The following SYT4 variants were observed in gnomAD, a reference collection of about 807,000 sequenced individuals.
The protein encoded by SYT4 is synaptotagmin-4.
Under a neutral mutation model 32.9 loss-of-function variants are expected in SYT4, and 7 were observed. The ratio of observed to expected loss-of-function variants is 0.21; its 90% CI spans 0.12 to 0.40. SYT4 has a LOEUF of 0.40. SYT4 is among the 10% of genes least tolerant of loss of function. The pLI is 1.00. For synonymous variants in SYT4, 205 were observed against 186.2 expected (o/e 1.10, Z -0.82); for missense variants, 480 against 488.0 (o/e 0.98, Z 0.16).
At chr18:43,275,737 G>A (rs920361262) in intron 1 of SYT4, among the ~76,000 whole-genome samples, 9 of 152,116 alleles carry the variant, frequency 5.9e-5, no homozygotes, top group Non-Finnish European at 1.3e-4. Context: ...GTATTTTAAT[G>A]TACAGAAACT....
rs200766031 is a variant in SYT4 at position 43,270,515 on chromosome 18, T to A, written c.1104A>T (p.Glu368Asp). Residue 368 changes from glutamate to aspartate, a missense_variant, in exon 4 of 4, where the codon GAA becomes GAT. Physicochemically the swap from Glu to Asp is conservative, Grantham distance 45. Coordinates refer to ENST00000255224, the MANE Select transcript of SYT4 (RefSeq NM_020783.4). ...AAACCAAAAATTCAACACTTATATC[T>A]TCAAGGCCCTCACAAGGAATATCAA... is the stretch of plus-strand genomic sequence containing the variant. ...FVFDIPCEGL[E>D]DISVEFLVLD... The A allele has an allele frequency of 1.2e-6, 2 of 1,614,104 alleles. No individual in the cohort carries two copies. Among genetic ancestry groups the A allele is most frequent in the Non-Finnish European group, 1.7e-6 (2 of 1,179,988 alleles).
In SYT4 at chr18:43,270,339, T is replaced by A. The variant is rs1193564864; in HGVS notation, c.*2A>T. The A allele has an allele frequency of 1.9e-6, 3 of 1,612,718 alleles. No homozygotes were observed. Among genetic ancestry groups the A allele is most frequent in the Non-Finnish European group, 2.5e-6 (3 of 1,178,932 alleles). ...TTTAAGTTCCAACTCACGGCTAGGA[T>A]GCTAACCATCACAGAGCACGTGCCA... On this transcript the variant is annotated 3_prime_UTR_variant, in exon 4 of 4. Transcript: ENST00000255224.
At position 43,271,387 on chromosome 18, in the gene SYT4, C is replaced by T. The variant is rs186469724; in HGVS notation, c.970+325G>A. Among the ~76,000 whole-genome samples, 6 of 152,076 alleles carry T rather than the reference C, an allele frequency of 3.9e-5. No homozygotes were observed. The East Asian group carries it at 9.7e-4, about 24-fold the overall frequency. ...GTATGTATTTCTAGTTCTCACAAGG[C>T]CCCTCAGGATGAGTAGCATTATGTC... is the stretch of plus-strand genomic sequence containing the variant. On this transcript the variant is annotated intron_variant, in intron 3 of 3. Transcript: ENST00000255224.
intron 2 of SYT4, 118 bp downstream of exon 2, chr18:43,273,462 A>G: frequency 1.5e-6 from 1 of 649,372 alleles, no homozygotes; most frequent in Non-Finnish European, 2.6e-6. Flanking sequence ...AATTAATAAT[A>G]ATTAAACATG....
At position 43,269,423 on chromosome 18, in the gene SYT4, G is replaced by T. The variant is rs1051076783; in HGVS notation, c.*918C>A. 1 of 152,236 alleles carries T rather than the reference G, an allele frequency of 6.6e-6. No individual in the cohort carries two copies. Among genetic ancestry groups the T allele is most frequent in the Non-Finnish European group, 1.5e-5 (1 of 68,030 alleles). The allele number at this position is 152,236 out of a possible 1,614,324, so 9.4% of individuals were successfully genotyped here. On this transcript the variant is annotated 3_prime_UTR_variant, in exon 4 of 4. Coordinates refer to ENST00000255224, the MANE Select transcript of SYT4 (RefSeq NM_020783.4). ...AGACTTAGGTGGCCATGCCGACTCT[G>T]GGTACAAACGATGGCCTTAAAAGTA...
chr18:43,270,777 C>G, intron 3 of SYT4, 129 bp from the exon 4 acceptor site: 1 of 922,008 alleles, frequency 1.1e-6, no homozygotes, highest in South Asian at 2.2e-5. Flanking sequence ...GTCAAAACAA[C>G]AGAAAAATAT....
chr18:43,271,614 T>A (rs1021961391), intron 3 of SYT4, 98 bp downstream of exon 3: 1 of 1,484,586 alleles, frequency 6.7e-7, no homozygotes, highest in African/African-American at 1.4e-5. Flanking sequence ...ACATAAGGTA[T>A]TAGAGAAAAG....
Position 43,274,121 on chromosome 18 carries a change from C to A in SYT4, c.308G>T (p.Gly103Val). ...HLDLEKRDLN[G>V]NFPKTNLKPG... ...TTTGAGGTTGGTTTTGGGAAAATTG[C>A]CATTGAGATCTCTCTTTTCAAGATC... The change falls in exon 2 of 4, where the codon GGC becomes GTC. Residue 103 changes from glycine (G) to valine (V), a missense_variant. Gly to Val is a moderately radical substitution (Grantham distance 109). Transcript: ENST00000255224. 1 of 1,614,038 alleles carries A rather than the reference C, an allele frequency of 6.2e-7. No individual in the cohort carries two copies. The highest frequency in any genetic ancestry group is 8.5e-7 in the Non-Finnish European group (1 of 1,179,938).
intron 1 of SYT4, among the ~76,000 whole-genome samples, chr18:43,274,870 T>C (rs1410181932): frequency 6.6e-6 from 1 of 152,160 alleles, no homozygotes; most frequent in Non-Finnish European, 1.5e-5. Context: ...GTTCACTCAA[T>C]TGTAGGAAAT....
In SYT4 at chr18:43,270,370, C is replaced by A; in HGVS notation, c.1249G>T (p.Ala417Ser). The A allele has an allele frequency of 6.2e-7, 1 of 1,614,056 alleles. No homozygotes were observed. Among genetic ancestry groups the A allele is most frequent in the East Asian group, 2.2e-5 (1 of 44,876 alleles). ...CCATCACAGAGCACGTGCCACTTGG[C>A]AATTTGTCTCCTGGGGTAGTCACAG... ...EICDYPRRQI[A>S]KWHVLCDG Residue 417 changes from alanine (A) to serine (S), a missense_variant, in exon 4 of 4, where the codon GCC becomes TCC. Transcript: ENST00000255224.
Position 43,270,286 on chromosome 18 carries a change from G to A in SYT4, c.*55C>T, listed in dbSNP as rs947786134. 6.4e-7 allele frequency: 1 copy of A among 1,559,008 alleles called. No individual in the cohort carries two copies. The highest frequency in any genetic ancestry group is 8.7e-7 in the Non-Finnish European group (1 of 1,151,940). ...GCTTGCAATCCAATATAGAAAGAAA[G>A]AAAATTTCTCCTTGCCTAGTAAAAA... On this transcript the variant is annotated 3_prime_UTR_variant, in exon 4 of 4. Transcript: ENST00000255224.
rs1405653584 is a variant in SYT4 at position 43,268,266 on chromosome 18, TTTCTC to T, written c.*2070_*2074del. On this transcript the variant is annotated 3_prime_UTR_variant, in exon 4 of 4. Transcript: ENST00000255224. ...CTGTTTCAATTCCTTTGTTGTTTCT[TTTCTC>T]TTTTCTGAAAACCAGTTGCAAATAG... 6.6e-6 allele frequency: 1 copy of T among 152,664 alleles called. No homozygotes were observed. The highest frequency in any genetic ancestry group is 2.1e-4 in the South Asian group (1 of 4,834). 9.5% of individuals were successfully genotyped at this position (152,664 alleles called of 1,614,324 possible).
Position 43,277,276 on chromosome 18 carries a change from A to G in SYT4, c.6T>C (p.Ala2=). The G allele has an allele frequency of 6.2e-7, 1 of 1,614,014 alleles. No individual in the cohort carries two copies. The highest frequency in any genetic ancestry group is 8.5e-7 in the Non-Finnish European group (1 of 1,179,950). Residue 2 remains alanine (A), a synonymous_variant, in exon 1 of 4, where the codon GCT becomes GCC. Transcript: ENST00000255224. The stretch of plus-strand genomic sequence containing the variant: ...ATTCTTCCCGGCTGGTGGTGATCGG[A>G]GCCATTTTTTACTGCGTGTTCTGTC... The part of the protein sequence containing the change: M[A]PITTSREEFD...
chr18:43,275,219 G>C (rs1473450630), intron 1 of SYT4, among the ~76,000 whole-genome samples: 2 of 152,078 alleles, frequency 1.3e-5, no homozygotes, highest in Non-Finnish European at 2.9e-5. Context: ...TCTTCCTCTA[G>C]CACATGGCAT....
At position 43,273,771 on chromosome 18, in the gene SYT4, C is replaced by T. The variant is rs761405529; in HGVS notation, c.658G>A (p.Asp220Asn). Residue 220 changes from aspartate (D) to asparagine (N), a missense_variant, in exon 2 of 4, where the codon GAT becomes AAT. Transcript: ENST00000255224. ...ATCCCATAGAATGTAAAGGTCTCAT[C>T]AAAAGCTGGATCCAAGGTTTTTCTC... is the stretch of plus-strand genomic sequence containing the variant. Reference protein sequence around the residue: ...VLRKTLDPAFDETFTFYGIPY... With the variant: ...VLRKTLDPAFNETFTFYGIPY... 4 of 1,613,904 alleles carry T rather than the reference C, an allele frequency of 2.5e-6. No homozygotes were observed. The highest frequency in any genetic ancestry group is 1.3e-5 in the African/African-American group (1 of 74,908).
Position 43,269,989 on chromosome 18 carries a change from C to T in SYT4, c.*352G>A. On this transcript the variant is annotated 3_prime_UTR_variant, in exon 4 of 4. Coordinates refer to ENST00000255224, the MANE Select transcript of SYT4 (RefSeq NM_020783.4). ...CAAGGCATACTTTTCGTTTTTAAAT[C>T]TTAATCACATTAACTTTTTGTGACA... 5.0e-6 allele frequency: 1 copy of T among 199,130 alleles called. No homozygotes were observed. The allele number at this position is 199,130 out of a possible 1,614,324, so 12.3% of individuals were successfully genotyped here.
intron 1 of SYT4, among the ~76,000 whole-genome samples, chr18:43,276,805 C>T (rs983165400): frequency 2.6e-5 from 4 of 152,082 alleles, no homozygotes; most frequent in African/African-American, 9.7e-5. Flanking sequence ...ATATACATTG[C>T]CAAACCCCAA....
intron 3 of SYT4, 49 bp downstream of exon 3, chr18:43,271,663 A>G (rs1466475622): frequency 6.2e-7 from 1 of 1,608,012 alleles, no homozygotes. Flanking sequence ...TTGCAGTCAA[A>G]TACATTCCAA....
At chr18:43,272,655 T>C (rs1215083211) in intron 2 of SYT4, among the ~76,000 whole-genome samples, 2 of 152,096 alleles carry the variant, frequency 1.3e-5, no homozygotes, top group South Asian at 2.1e-4. Context: ...ATACAAAAAC[T>C]AATATGGGAC....
Sources: gnomAD v4.1 joint callset for allele counts (sites outside exome capture counted in the v4.1 genomes callset) on GRCh38, gnomAD v4.1.1 for gene constraint, MANE v1.5 for transcripts, NCBI Gene and HGNC (gene_info 2026-07-23, HGNC 2026-07-21) for gene names.